NEXMIF: variants seen among roughly 807,000 people sequenced by gnomAD.
NEXMIF encodes neurite extension and migration factor, also known as XLMR protein related to neurite extension.
Under a neutral mutation model 62.1 loss-of-function variants are expected in NEXMIF, and 8 were observed. That is an observed-to-expected ratio of 0.13 (90% CI 0.08 to 0.23). The LOEUF (loss-of-function observed/expected upper bound fraction) is 0.23, where lower values mean the gene tolerates loss of function less well. Among genes scored for constraint, NEXMIF ranks in the 10% least tolerant of loss-of-function variants. The probability of loss-of-function intolerance (pLI) is 1.00; values close to 1 mark genes in which losing one functional copy is unlikely to be tolerated. For missense variants in NEXMIF, 976 were observed against 1,113.3 expected (o/e 0.88, Z 1.75); for synonymous variants, 404 against 416.6 (o/e 0.97, Z 0.37).
chrX:74,760,325 G>T (rs143043448), intron 1 of NEXMIF, among the ~76,000 whole-genome samples: 8 of 111,745 alleles, frequency 7.2e-5, no homozygotes, highest in African/African-American at 2.3e-4. Flanking sequence ...ACAGAATCAC[G>T]TCACTTGCAA....
intron 1 of NEXMIF, among the ~76,000 whole-genome samples, chrX:74,922,125 T>C (rs1329781238): frequency 9.0e-6 from 1 of 111,673 alleles, no homozygotes; most frequent in Non-Finnish European, 1.9e-5. Flanking sequence ...AACCCATCTT[T>C]GTGTGCTCCA....
intron 1 of NEXMIF, among the ~76,000 whole-genome samples, chrX:74,875,164 T>C (rs2080624971): frequency 9.0e-6 from 1 of 110,974 alleles, no homozygotes; most frequent in Admixed American, 9.6e-5. Context: ...TTGAAACATG[T>C]CCCATCAATA....
At chrX:74,811,686 GC>G (rs2080360985) in intron 1 of NEXMIF, among the ~76,000 whole-genome samples, 2 of 112,585 alleles carry the variant, frequency 1.8e-5, no homozygotes, top group South Asian at 7.3e-4. Flanking sequence ...GATTTACCTA[GC>G]CATCTTTCTG....
At chrX:74,764,751 C>T (rs1239473901) in intron 1 of NEXMIF, among the ~76,000 whole-genome samples, 1 of 111,238 alleles carries the variant, frequency 9.0e-6, no homozygotes, top group Non-Finnish European at 1.9e-5. Context: ...TTTTTTTAGT[C>T]CTGATTGCTA....
In NEXMIF at chrX:74,741,335, C is replaced by T. The variant is rs748567167; in HGVS notation, c.3222G>A (p.Pro1074=). 19 of 1,208,733 alleles carry T rather than the reference C, an allele frequency of 1.6e-5. No individual in the cohort carries two copies. Among genetic ancestry groups the T allele is most frequent in the Middle Eastern group, 2.3e-4 (1 of 4,368 alleles). ...RHSSLSEMSP[P]DTPSLSPQIT... is the part of the protein sequence containing the mutation. ...TTTGAGGGGAAAGACTAGGGGTGTC[C>T]GGTGGGGACATCTCTGAAAGGGAAG... Residue 1074 remains proline (P), a synonymous_variant, in exon 3 of 4, where the codon CCG becomes CCA. Coordinates refer to ENST00000055682, the MANE Select transcript of NEXMIF (RefSeq NM_001008537.3).
chrX:74,837,225 AC>A (rs747310336), intron 1 of NEXMIF, among the ~76,000 whole-genome samples: 22 of 110,923 alleles, frequency 2.0e-4, no homozygotes, highest in Non-Finnish European at 3.2e-4. Context: ...CCTCCTCAAT[AC>A]CTCTTTCAAC....
intron 1 of NEXMIF, among the ~76,000 whole-genome samples, chrX:74,899,829 T>C (rs1450017118): frequency 9.0e-6 from 1 of 111,379 alleles, no homozygotes; most frequent in Non-Finnish European, 1.9e-5. Context: ...AATAGATAAA[T>C]TGGAGTATAT....
At chrX:74,817,879 C>T (rs1174898742) in intron 1 of NEXMIF, among the ~76,000 whole-genome samples, 1 of 110,806 alleles carries the variant, frequency 9.0e-6, no homozygotes, top group Non-Finnish European at 1.9e-5. Flanking sequence ...TAATAAAATA[C>T]TTAGGAATAC....
Position 74,735,946 on chromosome X carries a change from C to A in NEXMIF, c.*3459G>T, listed in dbSNP as rs2080084038. 1.8e-5 allele frequency: 2 copies of A among 111,351 alleles called. No homozygotes were observed. Among genetic ancestry groups the A allele is most frequent in the African/African-American group, 6.5e-5 (2 of 30,599 alleles). The allele number at this position is 111,351 out of a possible 1,213,427, so 9.2% of individuals were successfully genotyped here. On this transcript the variant is annotated 3_prime_UTR_variant, in exon 4 of 4. Coordinates refer to ENST00000055682, the MANE Select transcript of NEXMIF (RefSeq NM_001008537.3). ...ACCTAACCAGGGCAGGAGATGAGACCTATTCTTAACAGATCTTCAGGGAAA... is the reference window on the plus strand; with the variant it reads ...ACCTAACCAGGGCAGGAGATGAGACATATTCTTAACAGATCTTCAGGGAAA...
chrX:74,883,899 A>C (rs1449967248), intron 1 of NEXMIF, among the ~76,000 whole-genome samples: 1 of 112,185 alleles, frequency 8.9e-6, no homozygotes, highest in Non-Finnish European at 1.9e-5. Context: ...CCAGAGAGAA[A>C]GGTTGGGTTA....
rs745880360 is a variant in NEXMIF, at chrX:74,783,651, C to G, written c.-47-37954G>C. The stretch of plus-strand genomic sequence containing the variant: ...AGACAAATGAGCCAGCTCTAGCTTA[C>G]ATGCAGAATAAAGGCAGCTGCCTTA... On this transcript the variant is annotated intron_variant, in intron 1 of 3. Coordinates refer to ENST00000055682, the MANE Select transcript of NEXMIF (RefSeq NM_001008537.3). Among the ~76,000 whole-genome samples, 3 of 111,755 alleles carry G rather than the reference C, an allele frequency of 2.7e-5. No homozygotes were observed. The East Asian group carries it at 8.5e-4, about 32-fold the overall frequency.
chrX:74,858,084 A>G (rs1410714718), intron 1 of NEXMIF, among the ~76,000 whole-genome samples: 1 of 112,350 alleles, frequency 8.9e-6, no homozygotes, highest in Non-Finnish European at 1.9e-5. Context: ...TGGGACCTAG[A>G]GAAACTTGCT....
chrX:74,742,220 T>C lies in NEXMIF; in HGVS notation c.2337A>G (p.Ala779=). The C allele has an allele frequency of 8.3e-7, 1 of 1,211,299 alleles. No individual in the cohort carries two copies. Among genetic ancestry groups the C allele is most frequent in the East Asian group, 3.0e-5 (1 of 33,837 alleles). ...GAAAAGTGGAACTCTTAGCAGCCTT[T>C]GCCTCATGAAATTCAGATAGACGGG... ...NSSRLSEFHE[A]KAAKSSTFLP... Residue 779 remains alanine, a synonymous_variant, in exon 3 of 4, where the codon GCA becomes GCG. Coordinates refer to ENST00000055682, the MANE Select transcript of NEXMIF (RefSeq NM_001008537.3).
chrX:74,823,588 G>A (rs1353497845), intron 1 of NEXMIF, among the ~76,000 whole-genome samples: 1 of 110,802 alleles, frequency 9.0e-6, no homozygotes, highest in African/African-American at 3.3e-5. Flanking sequence ...GAATTATCTT[G>A]TTTTTAGGAA....
At chrX:74,793,402 C>T (rs2080292972) in intron 1 of NEXMIF, among the ~76,000 whole-genome samples, 1 of 108,304 alleles carries the variant, frequency 9.2e-6, no homozygotes, top group African/African-American at 3.4e-5. Context: ...TCTGGCTGCC[C>T]TTAACATTTT....
rs143868329 is a variant in NEXMIF at position 74,889,590 on chromosome X, G to A, written c.-48+35293C>T. 3.1e-3 allele frequency among the ~76,000 whole-genome samples: 342 copies of A among 111,257 alleles called. 2 individuals are homozygous for A. The highest frequency in any genetic ancestry group is 0.011 in the African/African-American group (328 of 30,641). The stretch of plus-strand genomic sequence containing the variant: ...TTTCTAAGTGGTTCATGGTTGCATG[G>A]TGTACAAATACAACTCAAAATAGTA... On this transcript the variant is annotated intron_variant, in intron 1 of 3. Coordinates refer to ENST00000055682, the MANE Select transcript of NEXMIF (RefSeq NM_001008537.3).
At chrX:74,821,329 T>A (rs2080394963) in intron 1 of NEXMIF, among the ~76,000 whole-genome samples, 1 of 112,175 alleles carries the variant, frequency 8.9e-6, no homozygotes, top group Non-Finnish European at 1.9e-5. Context: ...TTCTATATTT[T>A]AAAAATCAGG....
intron 1 of NEXMIF, among the ~76,000 whole-genome samples, chrX:74,871,168 C>A (rs960321030): frequency 9.0e-6 from 1 of 111,005 alleles, no homozygotes; most frequent in South Asian, 3.8e-4. Flanking sequence ...AAGTGTCGGC[C>A]GGTCTGAGAA....
intron 1 of NEXMIF, among the ~76,000 whole-genome samples, chrX:74,915,733 T>C (rs1480318222): frequency 9.0e-6 from 1 of 111,244 alleles, no homozygotes; most frequent in Admixed American, 9.6e-5. Context: ...ATTTAAGTGA[T>C]GCAGTGTGAG....
Sources: allele counts gnomAD v4.1 joint callset (sites outside exome capture counted in the v4.1 genomes callset), GRCh38; gene constraint gnomAD v4.1.1; transcripts MANE v1.5; gene names NCBI Gene and HGNC (gene_info 2026-07-23, HGNC 2026-07-21).